The following NOVA1 variants were observed in gnomAD, a reference collection of about 807,000 sequenced individuals.
The protein encoded by NOVA1 is NOVA alternative splicing regulator 1, also known as RNA-binding protein Nova-1.
A neutral mutation model predicts 38.0 loss-of-function variants in NOVA1; 7 were observed. That is an observed-to-expected ratio of 0.18 (90% CI 0.10 to 0.35). The LOEUF (loss-of-function observed/expected upper bound fraction) is 0.35, where lower values mean the gene tolerates loss of function less well. Among genes scored for constraint, NOVA1 ranks in the 10% least tolerant of loss-of-function variants. The probability of loss-of-function intolerance (pLI) is 1.00; values close to 1 mark genes in which losing one functional copy is unlikely to be tolerated. For missense variants in NOVA1, 460 were observed against 616.0 expected, an observed-to-expected ratio of 0.75 and a Z score of 2.68; for synonymous variants, 270 against 232.5, an observed-to-expected ratio of 1.16 and a Z score of -1.47.
chr14:26,528,331 T>A (rs147271522), intron 2 of NOVA1, among the ~76,000 whole-genome samples: 2 of 152,276 alleles, frequency 1.3e-5, no homozygotes, highest in Non-Finnish European at 2.9e-5. Flanking sequence ...TCCTATGGTA[T>A]CTCCAATGTG....
intron 2 of NOVA1, among the ~76,000 whole-genome samples, chr14:26,554,142 G>A (rs1442543711): frequency 9.6e-5 from 8 of 83,534 alleles, no homozygotes; most frequent in South Asian, 4.4e-4. Flanking sequence ...AAAAAAAAAA[G>A]AAAGAAAAGG....
chr14:26,507,158 A>G (rs1362866839), intron 2 of NOVA1, among the ~76,000 whole-genome samples: 1 of 152,168 alleles, frequency 6.6e-6, no homozygotes, highest in African/African-American at 2.4e-5. Context: ...ACAAACAAGC[A>G]CTTAGCACAA....
At position 26,570,792 on chromosome 14, in the gene NOVA1, A is replaced by G. The variant is rs571408670; in HGVS notation, c.280+24618T>C. On this transcript the variant is annotated intron_variant, in intron 2 of 4. Coordinates refer to ENST00000539517, the MANE Select transcript of NOVA1 (RefSeq NM_002515.3). Reference sequence around the variant, plus strand: ...TATGCTGAAGCAGAATCTTCCATAAATTTTATATTACACAGATAATTCACC... The same window carrying G: ...TATGCTGAAGCAGAATCTTCCATAAGTTTTATATTACACAGATAATTCACC... Among the ~76,000 whole-genome samples, 99 of 152,258 alleles carry G rather than the reference A, an allele frequency of 6.5e-4. 1 individual carries two copies. The South Asian group carries it at 0.019, about 30-fold the overall frequency.
In NOVA1 at chr14:26,480,012, G is replaced by A; in HGVS notation, c.412C>T (p.Pro138Ser). ...AKTEPVSILQPQTTVNPDRIK... is the reference protein window; with the variant it reads ...AKTEPVSILQSQTTVNPDRIK... Reference sequence around the variant, plus strand: ...CGATCTGGATTAACGGTGGTCTGGGGTTGTAGAATGCTGACTGGTTCTGTC... The same window carrying A: ...CGATCTGGATTAACGGTGGTCTGGGATTGTAGAATGCTGACTGGTTCTGTC... The change falls in exon 3 of 5, where the codon CCC becomes TCC. Residue 138 changes from proline (P) to serine (S), a missense_variant. Coordinates refer to ENST00000539517, the MANE Select transcript of NOVA1 (RefSeq NM_002515.3). The A allele has an allele frequency of 6.2e-7, 1 of 1,613,948 alleles. No homozygotes were observed. Among genetic ancestry groups the A allele is most frequent in the South Asian group, 1.1e-5 (1 of 91,066 alleles).
chr14:26,447,856 T>C lies in NOVA1; in HGVS notation c.*103A>G, dbSNP rs970750448. Reference sequence around the variant, plus strand: ...ATAGTCGCATTCATTTGCATAATTATATATTAATAACAGAAAAACTTCACT... The same window carrying C: ...ATAGTCGCATTCATTTGCATAATTACATATTAATAACAGAAAAACTTCACT... On this transcript the variant is annotated 3_prime_UTR_variant, in exon 5 of 5. Transcript: ENST00000539517. 3.2e-5 allele frequency: 25 copies of C among 776,852 alleles called. No homozygotes were observed. Among genetic ancestry groups the C allele is most frequent in the Non-Finnish European group, 5.3e-5 (25 of 473,984 alleles). 48.1% of individuals were successfully genotyped at this position (776,852 alleles called of 1,614,324 possible). A position where few individuals can be genotyped will look rare whatever the true frequency, so the allele number is the denominator to read the frequency against.
At chr14:26,480,798 G>T (rs2138298902) in intron 2 of NOVA1, among the ~76,000 whole-genome samples, 1 of 151,656 alleles carries the variant, frequency 6.6e-6, no homozygotes, top group African/African-American at 2.4e-5. Flanking sequence ...AACATTTGTT[G>T]GATAAATGAA....
At chr14:26,591,228 T>C (rs1364226903) in intron 2 of NOVA1, among the ~76,000 whole-genome samples, 1 of 151,680 alleles carries the variant, frequency 6.6e-6, no homozygotes, top group Non-Finnish European at 1.5e-5. Flanking sequence ...ATGTTTCTCC[T>C]TCAACTGTAG....
chr14:26,458,341 G>A (rs1365313248), intron 4 of NOVA1, among the ~76,000 whole-genome samples: 2 of 151,936 alleles, frequency 1.3e-5, no homozygotes, highest in African/African-American at 4.8e-5. Context: ...TATATACAAA[G>A]GAAAATAAAT....
At chr14:26,484,688 C>T (rs1284911841) in intron 2 of NOVA1, among the ~76,000 whole-genome samples, 2 of 152,066 alleles carry the variant, frequency 1.3e-5, no homozygotes, top group Non-Finnish European at 2.9e-5. Flanking sequence ...TTCTACAACT[C>T]TACTGAAAGC....
At chr14:26,516,921 T>TTC (rs386380949) in intron 2 of NOVA1, among the ~76,000 whole-genome samples, 3 of 151,486 alleles carry the variant, frequency 2.0e-5, no homozygotes, top group South Asian at 4.2e-4. Context: ...TTTTTTTTTT[T>TTC]TGGAGATGGA....
chr14:26,597,507 CTTTTTTT>C lies in NOVA1; in HGVS notation c.-78_-72del, dbSNP rs563401938. 8.2e-5 allele frequency: 64 copies of C among 782,774 alleles called. No individual in the cohort carries two copies. The highest frequency in any genetic ancestry group is 6.7e-4 in the Admixed American group (3 of 4,486). The allele number at this position is 782,774 out of a possible 1,614,324, so 48.5% of individuals were successfully genotyped here. ...GTTTTGGCTTTTTCTTTTCTTTTTT[CTTTTTTT>C]TTTTTTTTTTTTTTTGCGTTTGGGG... On this transcript the variant is annotated 5_prime_UTR_variant, in exon 1 of 5. Transcript: ENST00000539517.
At chr14:26,449,334 A>C (rs968044361) in intron 4 of NOVA1, among the ~76,000 whole-genome samples, 18 of 152,268 alleles carry the variant, frequency 1.2e-4, no homozygotes, top group African/African-American at 4.1e-4. Context: ...TTCTTCACCT[A>C]TTGTAACTTT....
At chr14:26,484,895 C>T (rs985406779) in intron 2 of NOVA1, among the ~76,000 whole-genome samples, 1 of 151,932 alleles carries the variant, frequency 6.6e-6, no homozygotes, top group African/African-American at 2.4e-5. Context: ...TATTGAGTCC[C>T]TACTAAATAA....
chr14:26,544,160 C>G (rs1478242230), intron 2 of NOVA1, among the ~76,000 whole-genome samples: 1 of 151,648 alleles, frequency 6.6e-6, no homozygotes, highest in Non-Finnish European at 1.5e-5. Context: ...TTTAAAGGAA[C>G]TTACCTAAAG....
intron 3 of NOVA1, among the ~76,000 whole-genome samples, chr14:26,477,789 G>A (rs1885106327): frequency 6.6e-6 from 1 of 151,932 alleles, no homozygotes; most frequent in African/African-American, 2.4e-5. Context: ...TAGAAAGTCA[G>A]AGAATCCCAA....
At chr14:26,545,653 TG>T (rs939929226) in intron 2 of NOVA1, among the ~76,000 whole-genome samples, 50 of 152,288 alleles carry the variant, frequency 3.3e-4, no homozygotes, top group African/African-American at 1.2e-3. Flanking sequence ...TATGTTTTAT[TG>T]TTTTTTCCTC....
intron 2 of NOVA1, among the ~76,000 whole-genome samples, chr14:26,539,203 C>A (rs1253454389): frequency 1.3e-5 from 2 of 151,924 alleles, no homozygotes; most frequent in African/African-American, 4.8e-5. Flanking sequence ...CAGGACAGTG[C>A]CGGGTACACA....
intron 2 of NOVA1, among the ~76,000 whole-genome samples, chr14:26,491,057 A>C (rs948914118): frequency 6.6e-6 from 1 of 151,920 alleles, no homozygotes; most frequent in Admixed American, 6.6e-5. Context: ...TCACCGTGTT[A>C]GCCAGGATGG....
intron 4 of NOVA1, among the ~76,000 whole-genome samples, chr14:26,461,810 C>T (rs1023049423): frequency 1.3e-5 from 2 of 150,484 alleles, no homozygotes; most frequent in African/African-American, 4.9e-5. Flanking sequence ...CATGGTGGCT[C>T]ATGCCTGTCA....
Sources: allele counts gnomAD v4.1 joint callset (sites outside exome capture counted in the v4.1 genomes callset), GRCh38; gene constraint gnomAD v4.1.1; transcripts MANE v1.5; gene names NCBI Gene and HGNC (gene_info 2026-07-23, HGNC 2026-07-21).